The following ALK variants were observed in gnomAD, a reference collection of about 807,000 sequenced individuals.
ALK encodes ALK tyrosine kinase receptor.
ALK carries 74 observed loss-of-function variants against 163.1 expected under a neutral mutation model. That is an observed-to-expected ratio of 0.45 (90% CI 0.38 to 0.55). The LOEUF (loss-of-function observed/expected upper bound fraction) is 0.55, where lower values mean the gene tolerates loss of function less well. Among genes scored for constraint, ALK ranks in the 20% least tolerant of loss-of-function variants. The pLI, the probability that ALK is intolerant of heterozygous loss-of-function variation, is 0.00. For missense variants in ALK, 2,063 were observed against 2,105.3 expected, an observed-to-expected ratio of 0.98 and a Z score of 0.39; for synonymous variants, 960 against 843.2, an observed-to-expected ratio of 1.14 and a Z score of -2.40.
intron 1 of ALK, among the ~76,000 whole-genome samples, chr2:29,856,382 C>A (rs1159940339): frequency 2.0e-5 from 3 of 152,236 alleles, no homozygotes; most frequent in Non-Finnish European, 4.4e-5. Flanking sequence ...ATTACCCGAA[C>A]TACTACCTGT....
chr2:29,514,544 C>T (rs540970194), intron 4 of ALK, among the ~76,000 whole-genome samples: 1 of 152,184 alleles, frequency 6.6e-6, no homozygotes, highest in South Asian at 2.1e-4. Flanking sequence ...GAAAGATGGT[C>T]CACATCTTTC....
At chr2:29,397,205 GCA>G (rs1425010836) in intron 4 of ALK, among the ~76,000 whole-genome samples, 3 of 152,116 alleles carry the variant, frequency 2.0e-5, no homozygotes, top group African/African-American at 7.2e-5. Context: ...ATTAGGGTGG[GCA>G]CCCATCCAAT....
At chr2:29,305,700 C>T (rs1666490415) in intron 8 of ALK, among the ~76,000 whole-genome samples, 1 of 152,182 alleles carries the variant, frequency 6.6e-6, no homozygotes, top group African/African-American at 2.4e-5. Flanking sequence ...TCTGGGTGGC[C>T]TACAGCAGAG....
chr2:29,744,884 T>A (rs1480286324), intron 1 of ALK, among the ~76,000 whole-genome samples: 1 of 152,098 alleles, frequency 6.6e-6, no homozygotes, highest in African/African-American at 2.4e-5. Flanking sequence ...CAGTGTCACT[T>A]CCACTGCATT....
intron 1 of ALK, among the ~76,000 whole-genome samples, chr2:29,861,332 A>C (rs905925753): frequency 1.4e-4 from 22 of 152,218 alleles, no homozygotes; most frequent in African/African-American, 5.3e-4. Flanking sequence ...TACTTGAAAA[A>C]CAATAGAAAA....
rs962157077 is a variant in ALK, at chr2:29,362,850, G to GAACA, written c.1282+20878_1282+20881dup. ...AATCCCCACTCCCAAACAAACAAATGAACAAACAAACAAACAGAAAAAACA... is the reference window on the plus strand; with the variant it reads ...AATCCCCACTCCCAAACAAACAAATGAACAAACAAACAAACAAACAGAAAAAACA... On this transcript the variant is annotated intron_variant, in intron 5 of 28. Coordinates refer to ENST00000389048, the MANE Select transcript of ALK (RefSeq NM_004304.5). Among the ~76,000 whole-genome samples, 6 of 150,494 alleles carry GAACA rather than the reference G, an allele frequency of 4.0e-5. No individual in the cohort carries two copies. The South Asian group carries it at 1.0e-3, about 26-fold the overall frequency.
chr2:29,441,984 A>C (rs571043057), intron 4 of ALK, among the ~76,000 whole-genome samples: 66 of 152,280 alleles, frequency 4.3e-4, no homozygotes, highest in African/African-American at 1.6e-3. Context: ...AATTAACACT[A>C]ATTGAGAAGC....
intron 14 of ALK, among the ~76,000 whole-genome samples, chr2:29,233,049 G>C (rs544641743): frequency 6.6e-6 from 1 of 152,222 alleles, no homozygotes; most frequent in South Asian, 2.1e-4. Flanking sequence ...GGTGAAATTG[G>C]GCTGATGTAT....
chr2:29,527,618 C>T (rs1169841440), intron 4 of ALK, among the ~76,000 whole-genome samples: 1 of 152,170 alleles, frequency 6.6e-6, no homozygotes, highest in African/African-American at 2.4e-5. Flanking sequence ...AGCAAGCCTC[C>T]TGCCTCAGCC....
At chr2:29,746,342 C>G (rs906222790) in intron 1 of ALK, among the ~76,000 whole-genome samples, 1 of 152,156 alleles carries the variant, frequency 6.6e-6, no homozygotes, top group Non-Finnish European at 1.5e-5. Context: ...TTACTTGACT[C>G]TCTGACAACA....
chr2:29,678,489 G>A (rs1006401099), intron 3 of ALK, among the ~76,000 whole-genome samples: 1 of 150,982 alleles, frequency 6.6e-6, no homozygotes, highest in Non-Finnish European at 1.5e-5. Context: ...GTTTTAATAT[G>A]TTTTATTTTA....
At chr2:29,670,011 T>C (rs1351069447) in intron 3 of ALK, among the ~76,000 whole-genome samples, 1 of 152,130 alleles carries the variant, frequency 6.6e-6, no homozygotes, top group Admixed American at 6.6e-5. Flanking sequence ...TTGACAGATT[T>C]GTCTTTTGGG....
intron 3 of ALK, among the ~76,000 whole-genome samples, chr2:29,659,873 CCTT>C (rs1677299653): frequency 6.6e-6 from 1 of 152,124 alleles, no homozygotes; most frequent in Admixed American, 6.6e-5. Context: ...CTGTACTTTA[CCTT>C]CTTTCCAACT....
At chr2:29,800,782 A>G (rs975937635) in intron 1 of ALK, among the ~76,000 whole-genome samples, 50 of 152,196 alleles carry the variant, frequency 3.3e-4, no homozygotes, top group Non-Finnish European at 4.6e-4. Flanking sequence ...GGCAGAGAGG[A>G]AGAACCACAA....
chr2:29,377,327 T>C lies in ALK; in HGVS notation c.1282+6405A>G, dbSNP rs1482784700. On this transcript the variant is annotated intron_variant, in intron 5 of 28. Transcript: ENST00000389048. Reference sequence around the variant, plus strand: ...CCGTCTCTACTGAAAATACAAAAATTAGCCAGGCGTGGTGGCTTGCGCCTG... The same window carrying C: ...CCGTCTCTACTGAAAATACAAAAATCAGCCAGGCGTGGTGGCTTGCGCCTG... Among the ~76,000 whole-genome samples, 6 of 151,742 alleles carry C rather than the reference T, an allele frequency of 4.0e-5. No homozygotes were observed. The South Asian group carries it at 6.3e-4, about 16-fold the overall frequency.
intron 1 of ALK, among the ~76,000 whole-genome samples, chr2:29,781,273 C>T (rs1681323738): frequency 6.6e-6 from 1 of 152,206 alleles, no homozygotes; most frequent in Admixed American, 6.5e-5. Context: ...CACCCTCTAC[C>T]TTGGCAGGGC....
intron 3 of ALK, among the ~76,000 whole-genome samples, chr2:29,591,118 C>T (rs114863323): frequency 0.016 from 2,344 of 147,962 alleles, 49 homozygotes; most frequent in African/African-American, 0.055. Context: ...GCAGTGGCCC[C>T]TTTCCCTATC....
chr2:29,812,631 C>T lies in ALK; in HGVS notation c.668-94934G>A, dbSNP rs141830302. Among the ~76,000 whole-genome samples, 15 of 152,282 alleles carry T rather than the reference C, an allele frequency of 9.9e-5. No individual in the cohort carries two copies. The East Asian group carries it at 2.7e-3, about 27-fold the overall frequency. On this transcript the variant is annotated intron_variant, in intron 1 of 28. Coordinates refer to ENST00000389048, the MANE Select transcript of ALK (RefSeq NM_004304.5). ...CTTTTACCAAGCACATGTGAGTGTA[C>T]TGGTATAACCAAGGTGGTGCCTGGC...
At chr2:29,377,608 G>A (rs1191988948) in intron 5 of ALK, among the ~76,000 whole-genome samples, 5 of 152,154 alleles carry the variant, frequency 3.3e-5, no homozygotes, top group Admixed American at 1.3e-4. Context: ...CCCAAAGACA[G>A]CTGTACTTGT....
Sources: allele counts gnomAD v4.1 joint callset (sites outside exome capture counted in the v4.1 genomes callset), GRCh38; gene constraint gnomAD v4.1.1; transcripts MANE v1.5; gene names NCBI Gene and HGNC (gene_info 2026-07-23, HGNC 2026-07-21).